The following SLC36A3 variants were observed in gnomAD, a reference collection of about 807,000 sequenced individuals.
SLC36A3 encodes the protein proton-coupled amino acid transporter 3.
In SLC36A3, 35 loss-of-function variants were observed where a neutral mutation model predicts 44.3. The ratio of observed to expected loss-of-function variants is 0.79; its 90% CI spans 0.60 to 1.05. SLC36A3 has a LOEUF of 1.05. SLC36A3 is among the 50% of genes least tolerant of loss of function. The probability of loss-of-function intolerance (pLI) is 0.00; values close to 1 mark genes in which losing one functional copy is unlikely to be tolerated. For missense variants in SLC36A3, 540 were observed against 578.7 expected (o/e 0.93, Z 0.69); for synonymous variants, 211 against 227.6 (o/e 0.93, Z 0.66).
At position 151,303,213 on chromosome 5, in the gene SLC36A3, G is replaced by A; in HGVS notation, c.128+14C>T. The A allele has an allele frequency of 6.2e-7, 1 of 1,607,330 alleles. No homozygotes were observed. Among genetic ancestry groups the A allele is most frequent in the Non-Finnish European group, 8.5e-7 (1 of 1,176,010 alleles). The stretch of plus-strand genomic sequence containing the variant: ...GCTTGACCTCAGGCCTGGAAGGGCG[G>A]TGCGGCCACTTACGATAGTCCAGCT... On this transcript the variant is annotated intron_variant, in intron 1 of 9. Coordinates refer to ENST00000335230, the MANE Select transcript of SLC36A3 (RefSeq NM_181774.4).
chr5:151,299,264 C>CTCTCTCTATATATATATA (rs1372309288), intron 1 of SLC36A3, among the ~76,000 whole-genome samples: 13 of 59,640 alleles, frequency 2.2e-4, no homozygotes, highest in East Asian at 6.0e-4. Flanking sequence ...CTCTCTCTCT[C>CTCTCTCTATATATATATA]TATATATATA....
chr5:151,284,487 C>T (rs1331378924), intron 7 of SLC36A3, 126 bp downstream of exon 7: 1 of 768,068 alleles, frequency 1.3e-6, no homozygotes, highest in East Asian at 2.7e-5. Context: ...TACAGACTTT[C>T]CCTTCACCAG....
chr5:151,302,750 TTTAA>T (rs1755205471), intron 1 of SLC36A3, among the ~76,000 whole-genome samples: 1 of 151,902 alleles, frequency 6.6e-6, no homozygotes, highest in Non-Finnish European at 1.5e-5. Flanking sequence ...TTAAATTTAA[TTTAA>T]TTAAAAAAAA....
At chr5:151,278,186 A>G (rs1754173241) in intron 9 of SLC36A3, among the ~76,000 whole-genome samples, 1 of 152,220 alleles carries the variant, frequency 6.6e-6, no homozygotes, top group African/African-American at 2.4e-5. Context: ...GGATAAAAAA[A>G]TGGGAGATGC....
At chr5:151,278,606 A>G (rs987135611) in intron 9 of SLC36A3, among the ~76,000 whole-genome samples, 7 of 152,172 alleles carry the variant, frequency 4.6e-5, no homozygotes, top group Admixed American at 2.6e-4. Flanking sequence ...TGATTTTCCT[A>G]TGAACAAAAT....
chr5:151,283,759 A>C (rs1045405106), intron 8 of SLC36A3, among the ~76,000 whole-genome samples: 1 of 152,246 alleles, frequency 6.6e-6, no homozygotes, highest in Non-Finnish European at 1.5e-5. Context: ...TCTATGTATT[A>C]ATCCAATTAA....
At chr5:151,299,910 C>G (rs936020208) in intron 1 of SLC36A3, among the ~76,000 whole-genome samples, 1 of 152,324 alleles carries the variant, frequency 6.6e-6, no homozygotes, top group East Asian at 1.9e-4. Context: ...ATTGTCTCAT[C>G]ATCATCATCA....
intron 4 of SLC36A3, among the ~76,000 whole-genome samples, chr5:151,292,990 C>A (rs1487411446): frequency 1.3e-5 from 2 of 151,892 alleles, no homozygotes; most frequent in East Asian, 1.9e-4. Flanking sequence ...GTCCCTCCCC[C>A]CCCAAAAATG....
intron 4 of SLC36A3, among the ~76,000 whole-genome samples, chr5:151,290,771 T>A (rs1313584281): frequency 6.6e-6 from 1 of 151,992 alleles, no homozygotes; most frequent in Non-Finnish European, 1.5e-5. Context: ...GGCGGGCGCC[T>A]GTAGTCCCAG....
At chr5:151,303,076 T>A in intron 1 of SLC36A3, 151 bp downstream of exon 1, 1 of 1,067,282 alleles carries the variant, frequency 9.4e-7, no homozygotes, top group Non-Finnish European at 1.3e-6. Context: ...GGGATTGACC[T>A]CCTTAGATTC....
At chr5:151,286,741 A>AAT (rs1407246774) in intron 6 of SLC36A3, among the ~76,000 whole-genome samples, 2 of 152,334 alleles carry the variant, frequency 1.3e-5, no homozygotes, top group Non-Finnish European at 2.9e-5. Flanking sequence ...CTTTACTTCC[A>AAT]AAATAGTATT....
At chr5:151,299,391 A>ATG (rs1261732138) in intron 1 of SLC36A3, among the ~76,000 whole-genome samples, 1 of 129,528 alleles carries the variant, frequency 7.7e-6, no homozygotes, top group Non-Finnish European at 1.7e-5. Flanking sequence ...ATATATATAT[A>ATG]TATTATATAT....
intron 3 of SLC36A3, among the ~76,000 whole-genome samples, chr5:151,293,845 G>A (rs1017704899): frequency 2.6e-5 from 4 of 152,280 alleles, no homozygotes; most frequent in Admixed American, 6.5e-5. Flanking sequence ...CAGAACACTC[G>A]AGATCCTGGC....
At chr5:151,300,209 T>C (rs957714417) in intron 1 of SLC36A3, among the ~76,000 whole-genome samples, 32 of 152,198 alleles carry the variant, frequency 2.1e-4, no homozygotes, top group African/African-American at 7.7e-4. Context: ...GCAGAGACAG[T>C]GCTCACATCT....
In SLC36A3 at chr5:151,277,252, T is replaced by G; in HGVS notation, c.*141A>C. Reference sequence around the variant, plus strand: ...TGAGAGACATCAGTGCTAACTTTTCTCATCTGCATTTCTCTTGGAAAGATA... The same window carrying G: ...TGAGAGACATCAGTGCTAACTTTTCGCATCTGCATTTCTCTTGGAAAGATA... On this transcript the variant is annotated 3_prime_UTR_variant, in exon 10 of 10. Coordinates refer to ENST00000335230, the MANE Select transcript of SLC36A3 (RefSeq NM_181774.4). The G allele has an allele frequency of 8.4e-7, 1 of 1,185,170 alleles. No homozygotes were observed. Among genetic ancestry groups the G allele is most frequent in the Non-Finnish European group, 1.2e-6 (1 of 852,034 alleles). 73.4% of individuals were successfully genotyped at this position (1,185,170 alleles called of 1,614,324 possible). A position where few individuals can be genotyped will look rare whatever the true frequency, so the allele number is the denominator to read the frequency against.
chr5:151,283,812 C>T (rs190840165), intron 8 of SLC36A3, among the ~76,000 whole-genome samples: 104 of 152,376 alleles, frequency 6.8e-4, no homozygotes, highest in Non-Finnish European at 1.1e-3. Context: ...GTTATTTGTG[C>T]TGTTCACCAA....
chr5:151,300,445 T>C (rs903075914), intron 1 of SLC36A3, among the ~76,000 whole-genome samples: 5 of 152,356 alleles, frequency 3.3e-5, no homozygotes, highest in Middle Eastern at 3.4e-3. Context: ...ATTGTCCCTT[T>C]ACTTCCAAGA....
chr5:151,284,536 T>C, intron 7 of SLC36A3, 77 bp downstream of exon 7: 1 of 1,116,702 alleles, frequency 9.0e-7, no homozygotes, highest in Admixed American at 2.2e-5. Context: ...AAATACTATT[T>C]ATTCAGACAT....
intron 2 of SLC36A3, chr5:151,298,208 C>T (rs1454307185): frequency 1.8e-5 from 3 of 164,596 alleles, no homozygotes; most frequent in Non-Finnish European, 3.9e-5. Context: ...AGGCGTCTAT[C>T]TTCATGTCCA....
Sources: gnomAD v4.1 joint callset for allele counts (sites outside exome capture counted in the v4.1 genomes callset) on GRCh38, gnomAD v4.1.1 for gene constraint, MANE v1.5 for transcripts, NCBI Gene and HGNC (gene_info 2026-07-23, HGNC 2026-07-21) for gene names.